The following ABCB1 variants were observed in gnomAD, a reference collection of about 807,000 sequenced individuals.
The protein encoded by ABCB1 is ATP binding cassette subfamily B member 1.
ABCB1 carries 69 observed loss-of-function variants against 142.0 expected under a neutral mutation model. That is an observed-to-expected ratio of 0.49 (90% CI 0.40 to 0.59). ABCB1 has a LOEUF of 0.59. ABCB1 is among the 20% of genes least tolerant of loss of function. ABCB1 has a pLI of 0.00. For missense variants in ABCB1, 1,326 were observed against 1,554.7 expected, an observed-to-expected ratio of 0.85 and a Z score of 2.47; for synonymous variants, 532 against 539.2, an observed-to-expected ratio of 0.99 and a Z score of 0.18.
intron 1 of ABCB1, among the ~76,000 whole-genome samples, chr7:87,634,210 A>C (rs926552571): frequency 6.6e-6 from 1 of 152,138 alleles, no homozygotes; most frequent in Non-Finnish European, 1.5e-5. Context: ...TGATTAGCCA[A>C]ATACTTCCTG....
intron 1 of ABCB1, among the ~76,000 whole-genome samples, chr7:87,630,581 G>A (rs1821114443): frequency 6.6e-6 from 1 of 151,704 alleles, no homozygotes; most frequent in South Asian, 2.1e-4. Flanking sequence ...AATAAGGGTA[G>A]TTTCAACATA....
chr7:87,586,558 C>A (rs181592745), intron 3 of ABCB1, among the ~76,000 whole-genome samples: 1 of 152,266 alleles, frequency 6.6e-6, no homozygotes, highest in Admixed American at 6.5e-5. Context: ...CAAGGTGTAG[C>A]TGTAGGCAAC....
intron 1 of ABCB1, among the ~76,000 whole-genome samples, chr7:87,628,244 A>T (rs964656967): frequency 2.6e-5 from 4 of 152,188 alleles, no homozygotes; most frequent in Non-Finnish European, 5.9e-5. Flanking sequence ...CCTTGACAGC[A>T]GCCCACGCGT....
chr7:87,651,901 C>T (rs1823612236), intron 1 of ABCB1, among the ~76,000 whole-genome samples: 2 of 152,034 alleles, frequency 1.3e-5, no homozygotes, highest in African/African-American at 4.8e-5. Context: ...TGTAAAATTG[C>T]TAATGCTTTT....
At chr7:87,626,468 G>A (rs183448826) in intron 1 of ABCB1, among the ~76,000 whole-genome samples, 1 of 14,206 alleles carries the variant, frequency 7.0e-5, no homozygotes, top group Non-Finnish European at 9.4e-5. Flanking sequence ...TGTCATATAT[G>A]TGTCATATAT....
chr7:87,620,698 T>C (rs893108320), intron 1 of ABCB1, among the ~76,000 whole-genome samples: 1 of 152,148 alleles, frequency 6.6e-6, no homozygotes, highest in Non-Finnish European at 1.5e-5. Context: ...TAACAAAAAA[T>C]GGGTAAACAC....
upstream of ABCB1, among the ~76,000 whole-genome samples, chr7:87,605,831 T>C (rs1216284079): frequency 6.6e-6 from 1 of 152,198 alleles, no homozygotes; most frequent in Non-Finnish European, 1.5e-5. Context: ...TTAGTATAAA[T>C]TGTATTATTT....
Position 87,626,726 on chromosome 7 carries a change from G to GTCATATATATGTGTCATATATATGTC in ABCB1, c.-330-25674_-330-25649dup, listed in dbSNP as rs1820654761. On this transcript the variant is annotated intron_variant, in intron 1 of 28. Transcript: ENST00000265724. ...TCATATATATGTGTCATATATATGTGTCATATATATGTGTCATATATATGT... is the reference window on the plus strand; with the variant it reads ...TCATATATATGTGTCATATATATGTGTCATATATATGTGTCATATATATGTCTCATATATATGTGTCATATATATGT... Among the ~76,000 whole-genome samples the GTCATATATATGTGTCATATATATGTC allele has an allele frequency of 5.5e-5, 4 of 72,248 alleles. No individual in the cohort carries two copies. In the East Asian group the frequency reaches 1.3e-3, roughly 24 times the overall value. 47.4% of individuals were successfully genotyped at this position (72,248 alleles called of 152,430 possible).
intron 1 of ABCB1, among the ~76,000 whole-genome samples, chr7:87,702,607 A>G (rs1293288252): frequency 1.3e-5 from 2 of 152,130 alleles, no homozygotes; most frequent in Non-Finnish European, 2.9e-5. Flanking sequence ...CTAATATTTA[A>G]GTTTCCAGTT....
intron 3 of ABCB1, among the ~76,000 whole-genome samples, chr7:87,586,090 T>G (rs1818739519): frequency 6.6e-6 from 1 of 152,180 alleles, no homozygotes; most frequent in African/African-American, 2.4e-5. Flanking sequence ...GAGGAAACAT[T>G]GTGTTGCTTT....
intron 1 of ABCB1, among the ~76,000 whole-genome samples, chr7:87,706,395 T>C (rs1829588939): frequency 6.6e-6 from 1 of 152,086 alleles, no homozygotes; most frequent in Admixed American, 6.6e-5. Flanking sequence ...GAGAATTTAT[T>C]GAGAAGGGTG....
intron 21 of ABCB1, among the ~76,000 whole-genome samples, chr7:87,526,091 A>T (rs1227063758): frequency 6.6e-6 from 1 of 151,624 alleles, no homozygotes; most frequent in Admixed American, 6.6e-5. Flanking sequence ...TCTTCTGTTA[A>T]TTCCTCTGGT....
At position 87,569,581 on chromosome 7, in the gene ABCB1, A is replaced by T. The variant is rs557475104; in HGVS notation, c.338+591T>A. Among the ~76,000 whole-genome samples the T allele has an allele frequency of 8.3e-5, 12 of 144,682 alleles. No homozygotes were observed. The East Asian group carries it at 1.2e-3, about 14-fold the overall frequency. The allele number at this position is 144,682 out of a possible 152,430, so 94.9% of individuals were successfully genotyped here. ...TTGTTCAGAATCAGATGTTGAGTTT[A>T]AAAAAAATTTCTTTTGGCTGCTTTC... On this transcript the variant is annotated intron_variant, in intron 5 of 27. Transcript: ENST00000622132.
At chr7:87,525,100 T>G (rs1584846854) in intron 21 of ABCB1, among the ~76,000 whole-genome samples, 1 of 152,190 alleles carries the variant, frequency 6.6e-6, no homozygotes, top group East Asian at 1.9e-4. Flanking sequence ...AATGAAGCAA[T>G]TAGGAAAAGG....
intron 1 of ABCB1, chr7:87,709,417 A>T: frequency 2.0e-6 from 2 of 985,348 alleles, no homozygotes; most frequent in Non-Finnish European, 2.4e-6. Flanking sequence ...CTCTGTTCCA[A>T]TCAGCTACAG....
chr7:87,541,572 T>C, intron 17 of ABCB1, 108 bp from the exon 18 acceptor site: 1 of 804,920 alleles, frequency 1.2e-6, no homozygotes, highest in Non-Finnish European at 2.2e-6. Flanking sequence ...AGAGCCTTAG[T>C]ACGCTGGAAA....
intron 1 of ABCB1, among the ~76,000 whole-genome samples, chr7:87,610,183 G>A (rs1363306638): frequency 1.3e-5 from 2 of 150,468 alleles, no homozygotes; most frequent in Non-Finnish European, 3.0e-5. Context: ...CTTCTAATTG[G>A]CAACAAGTCA....
In ABCB1 at chr7:87,553,821, G is replaced by T. The variant is rs750181292; in HGVS notation, c.939C>A (p.Ala313=). ...FLLIYASYAL[A]FWYGTTLVLS... is the part of the protein sequence containing the mutation. ...GGACCAAGGTGGTCCCATACCAGAA[G>T]GCCAGAGCATAAGATGCATAGATCA... The change falls in exon 9 of 28, where the codon GCC becomes GCA. Residue 313 remains alanine (A), a synonymous_variant. Coordinates refer to ENST00000622132, the MANE Select transcript of ABCB1 (RefSeq NM_001348946.2). The T allele has an allele frequency of 3.1e-6, 5 of 1,614,004 alleles. No individual in the cohort carries two copies. The African/African-American group carries it at 5.3e-5, about 17-fold the overall frequency.
At chr7:87,703,389 G>C (rs2130708027) in intron 1 of ABCB1, among the ~76,000 whole-genome samples, 1 of 152,192 alleles carries the variant, frequency 6.6e-6, no homozygotes, top group Middle Eastern at 3.4e-3. Flanking sequence ...GACATAATTA[G>C]AAACACAGGT....
Sources: allele counts gnomAD v4.1 joint callset (sites outside exome capture counted in the v4.1 genomes callset), GRCh38; gene constraint gnomAD v4.1.1; transcripts MANE v1.5; gene names NCBI Gene and HGNC (gene_info 2026-07-23, HGNC 2026-07-21).